Variants in IDO2 observed in about 807,000 individuals in gnomAD.
IDO2 encodes indoleamine 2,3-dioxygenase 2, also known as indoleamine 2,3-dioxygenase-like 1 protein.
In IDO2, 46 loss-of-function variants were observed where a neutral mutation model predicts 45.1. The observed-to-expected ratio is 1.02, with a 90% confidence interval of 0.80 to 1.30. The LOEUF (loss-of-function observed/expected upper bound fraction) is 1.30, where lower values mean the gene tolerates loss of function less well. IDO2 is among the 50% of genes most tolerant of loss of function. The pLI, the probability that IDO2 is intolerant of heterozygous loss-of-function variation, is 0.00. For synonymous variants in IDO2, 218 were observed against 184.9 expected, an observed-to-expected ratio of 1.18 and a Z score of -1.45; for missense variants, 544 against 491.8, an observed-to-expected ratio of 1.11 and a Z score of -1.00.
At chr8:40,000,332 CCCA>C (rs1174549043) in intron 8 of IDO2, among the ~76,000 whole-genome samples, 1 of 151,950 alleles carries the variant, frequency 6.6e-6, no homozygotes. Context: ...ATCGCTTGAA[CCCA>C]GGAGGCGGAG....
At chr8:39,940,259 C>T (rs11779700) in intron 1 of IDO2, among the ~76,000 whole-genome samples, 64,119 of 151,968 alleles carry the variant, frequency 0.42, 13,711 homozygotes, top group East Asian at 0.59. Flanking sequence ...ACGCAGATCC[C>T]GGTCCTACAA....
rs184050405 is a variant in IDO2, at chr8:40,011,409, C to T, written c.720-2156C>T. 2.6e-3 allele frequency among the ~76,000 whole-genome samples: 402 copies of T among 152,278 alleles called. 3 individuals are homozygous for T. Among genetic ancestry groups the T allele is most frequent in the African/African-American group, 9.3e-3 (387 of 41,554 alleles). Reference sequence around the variant, plus strand: ...AAAGAAAGACCCGAACATGTGTGCCCATATATCACCCAACAGCAGTTATGT... The same window carrying T: ...AAAGAAAGACCCGAACATGTGTGCCTATATATCACCCAACAGCAGTTATGT... On this transcript the variant is annotated intron_variant, in intron 9 of 10. Coordinates refer to ENST00000502986, the Ensembl canonical transcript of IDO2.
chr8:39,999,679 G>A (rs924286408), intron 8 of IDO2, among the ~76,000 whole-genome samples: 2 of 152,082 alleles, frequency 1.3e-5, no homozygotes, highest in African/African-American at 4.8e-5. Flanking sequence ...GGCCAGGCTG[G>A]TCTCAAACTC....
At chr8:39,969,747 C>T (rs1808151756) in intron 3 of IDO2, among the ~76,000 whole-genome samples, 1 of 152,030 alleles carries the variant, frequency 6.6e-6, no homozygotes, top group Non-Finnish European at 1.5e-5. Context: ...TGGTGGTGCA[C>T]ACCTGTAATC....
chr8:39,941,099 G>A (rs1213319855), intron 1 of IDO2, among the ~76,000 whole-genome samples: 32 of 150,700 alleles, frequency 2.1e-4, no homozygotes, highest in Admixed American at 1.9e-3. Context: ...GCAGGGGCCC[G>A]TAATCCCAGC....
At chr8:39,953,452 G>A (rs576044739) in intron 2 of IDO2, among the ~76,000 whole-genome samples, 1 of 152,088 alleles carries the variant, frequency 6.6e-6, no homozygotes, top group South Asian at 2.1e-4. Flanking sequence ...TGCTTTTTTA[G>A]GCTCTATGAC....
intron 1 of IDO2, among the ~76,000 whole-genome samples, chr8:39,947,653 G>A (rs1807758408): frequency 6.6e-6 from 1 of 152,164 alleles, no homozygotes; most frequent in Non-Finnish European, 1.5e-5. Context: ...TAGGGTGGAT[G>A]TGTCAGGTTA....
Position 39,939,242 on chromosome 8 carries a change from CAAAAA to C in IDO2, c.-18+4040_-18+4044del, listed in dbSNP as rs57921420. On this transcript the variant is annotated intron_variant, in intron 1 of 10. Coordinates refer to ENST00000502986, the Ensembl canonical transcript of IDO2. ...TGGGCGACAGAGCAAGACTCCATCT[CAAAAA>C]AAAAAAAAAAAAAAAGAGGCCAGGA... Among the ~76,000 whole-genome samples, 113 of 117,584 alleles carry C rather than the reference CAAAAA, an allele frequency of 9.6e-4. 1 individual carries two copies. Among genetic ancestry groups the C allele is most frequent in the African/African-American group, 2.9e-3 (88 of 30,842 alleles). The allele number at this position is 117,584 out of a possible 152,430, so 77.1% of individuals were successfully genotyped here. A position where few individuals can be genotyped will look rare whatever the true frequency, so the allele number is the denominator to read the frequency against.
intron 1 of IDO2, among the ~76,000 whole-genome samples, chr8:39,938,060 G>T (rs1321270066): frequency 2.0e-5 from 3 of 152,188 alleles, no homozygotes; most frequent in Non-Finnish European, 4.4e-5. Flanking sequence ...TATGGAAAAA[G>T]ATATGGGAGT....
At chr8:39,955,715 G>C (rs979142300) in intron 2 of IDO2, among the ~76,000 whole-genome samples, 1 of 152,126 alleles carries the variant, frequency 6.6e-6, no homozygotes, top group African/African-American at 2.4e-5. Context: ...ATCTCCCAAT[G>C]TCAGGTCCCA....
chr8:39,943,429 A>C (rs919455077), intron 1 of IDO2, among the ~76,000 whole-genome samples: 2 of 149,792 alleles, frequency 1.3e-5, no homozygotes, highest in Admixed American at 1.3e-4. Flanking sequence ...CAATACCATA[A>C]AGGCCATATG....
In IDO2 at chr8:39,934,801, C is replaced by CTA; in HGVS notation, c.-434_-433insAT. 1 of 316,124 alleles carries CTA rather than the reference C, an allele frequency of 3.2e-6. No individual in the cohort carries two copies. The highest frequency in any genetic ancestry group is 2.9e-5 in the South Asian group (1 of 34,600). The allele number at this position is 316,124 out of a possible 1,614,324, so 19.6% of individuals were successfully genotyped here. A position where few individuals can be genotyped will look rare whatever the true frequency, so the allele number is the denominator to read the frequency against. ...TGCCATAGGAGTGGCAGCCAGAGAA[C>CTA]TGAGCCCAATGAATGCAAAGGCTGG... is the stretch of plus-strand genomic sequence containing the variant. On this transcript the variant is annotated 5_prime_UTR_variant, in exon 1 of 11. In the 5' UTR this introduces an upstream ATG that the reference lacks. Coordinates refer to ENST00000502986, the Ensembl canonical transcript of IDO2.
Position 39,982,729 on chromosome 8 carries a change from A to ATC in IDO2, c.393_394insTC (p.Asp132SerfsTer5). The ATC allele has an allele frequency of 6.2e-7, 1 of 1,610,198 alleles. No homozygotes were observed. Among genetic ancestry groups the ATC allele is most frequent in the Non-Finnish European group, 8.5e-7 (1 of 1,178,206 alleles). On this transcript the variant is annotated frameshift_variant, in exon 5 of 11. Coordinates refer to ENST00000502986, the Ensembl canonical transcript of IDO2. LOFTEE classifies it high-confidence loss of function. ...GGCTCCCTCCTATCCTGGTCCACTC[A>ATC]GACTTGGTGCTGACGAACTGGACCA...
intron 1 of IDO2, among the ~76,000 whole-genome samples, chr8:39,940,956 G>A (rs866377254): frequency 2.5e-4 from 38 of 151,178 alleles, no homozygotes; most frequent in African/African-American, 7.8e-4. Flanking sequence ...TTGGCTGGGC[G>A]CGGTAGGTCA....
At chr8:40,015,728 C>T in exon 11 of IDO2, 2 of 699,506 alleles carry the variant, frequency 2.9e-6, no homozygotes, top group South Asian at 1.8e-5. Flanking sequence ...TTCTGCTCTA[C>T]AGAGCACTAT....
chr8:40,002,765 G>A (rs1036963957), intron 8 of IDO2, among the ~76,000 whole-genome samples: 5 of 152,034 alleles, frequency 3.3e-5, no homozygotes, highest in Non-Finnish European at 7.4e-5. Context: ...GGGTGACAGA[G>A]TGAGGCTCCA....
exon 7 of IDO2, chr8:39,987,900 G>C (rs540621606): frequency 4.3e-6 from 7 of 1,610,952 alleles, no homozygotes; most frequent in African/African-American, 2.7e-5. Flanking sequence ...TCATTTCCTG[G>C]GGGAGAGAGC....
At chr8:39,987,635 A>G (rs1808444567) in intron 6 of IDO2, 2 of 479,848 alleles carry the variant, frequency 4.2e-6, no homozygotes, top group South Asian at 3.3e-5. Flanking sequence ...CATTAGGGCC[A>G]TGCTAGACAT....
Position 39,965,663 on chromosome 8 carries a change from T to C in IDO2, c.195+1960T>C, listed in dbSNP as rs573743760. Among the ~76,000 whole-genome samples the C allele has an allele frequency of 9.9e-5, 15 of 152,220 alleles. No homozygotes were observed. In the East Asian group the frequency reaches 2.9e-3, roughly 29 times the overall value. On this transcript the variant is annotated intron_variant, in intron 3 of 10. Transcript: ENST00000502986. ...TAAGCTGAGGTGATACTGGATTAAA[T>C]TGTATATGATGAGTGTCCTTATAAG... is the stretch of plus-strand genomic sequence containing the variant.
Sources: allele counts gnomAD v4.1 joint callset (sites outside exome capture counted in the v4.1 genomes callset), GRCh38; gene constraint gnomAD v4.1.1; transcripts MANE v1.5; gene names NCBI Gene and HGNC (gene_info 2026-07-23, HGNC 2026-07-21).